Variants in CHST8 observed in about 807,000 individuals in gnomAD.
CHST8 encodes the protein carbohydrate sulfotransferase 8.
A neutral mutation model predicts 15.0 loss-of-function variants in CHST8; 10 were observed. The observed-to-expected ratio is 0.67, with a 90% CI of 0.41 to 1.13. The LOEUF (loss-of-function observed/expected upper bound fraction) is 1.13, where lower values mean the gene tolerates loss of function less well. Among genes scored for constraint, CHST8 ranks in the 50% most tolerant of loss-of-function variants. The pLI is 0.00. For synonymous variants in CHST8, 259 were observed against 256.6 expected (o/e 1.01, Z -0.09); for missense variants, 634 against 608.2 (o/e 1.04, Z -0.45).
chr19:33,645,223 G>C (rs1243890294), intron 1 of CHST8, among the ~76,000 whole-genome samples: 1 of 152,194 alleles, frequency 6.6e-6, no homozygotes, highest in African/African-American at 2.4e-5. Context: ...GGGCCCGCTG[G>C]AGATGAGGCC....
At chr19:33,650,712 G>C (rs963221286) in intron 1 of CHST8, among the ~76,000 whole-genome samples, 2 of 149,284 alleles carry the variant, frequency 1.3e-5, no homozygotes, top group African/African-American at 4.9e-5. Context: ...TTTTGCTTTT[G>C]TTTTTGTTTT....
intron 2 of CHST8, among the ~76,000 whole-genome samples, chr19:33,669,746 G>A (rs1972711150): frequency 6.6e-6 from 1 of 152,160 alleles, no homozygotes; most frequent in Admixed American, 6.5e-5. Flanking sequence ...TAGTGAGGGT[G>A]GCAGGCTTCA....
chr19:33,719,713 G>A (rs1199083737), intron 3 of CHST8, among the ~76,000 whole-genome samples: 2 of 150,590 alleles, frequency 1.3e-5, no homozygotes, highest in Non-Finnish European at 2.9e-5. Flanking sequence ...CTAAAGAGGG[G>A]GATGGGGACC....
At chr19:33,689,110 A>C in intron 2 of CHST8, 66 bp from the exon 3 acceptor site, 1 of 818,350 alleles carries the variant, frequency 1.2e-6, no homozygotes, top group South Asian at 2.6e-5. Context: ...TGCTGCAGTG[A>C]GCAGGGCCTA....
At chr19:33,711,440 G>A (rs545736702) in intron 3 of CHST8, among the ~76,000 whole-genome samples, 26 of 152,180 alleles carry the variant, frequency 1.7e-4, no homozygotes, top group African/African-American at 6.0e-4. Flanking sequence ...TTACACCTGT[G>A]GCCTGGTGTA....
chr19:33,765,037 C>G (rs909077475), intron 3 of CHST8, among the ~76,000 whole-genome samples: 15 of 104,682 alleles, frequency 1.4e-4, no homozygotes, highest in African/African-American at 7.0e-4. Flanking sequence ...CTTTTTATGG[C>G]TAAGTACTAT....
chr19:33,759,262 T>G (rs893808372), intron 3 of CHST8, among the ~76,000 whole-genome samples: 4 of 152,226 alleles, frequency 2.6e-5, no homozygotes, highest in Non-Finnish European at 4.4e-5. Context: ...ACTCACTTGC[T>G]TCTATTTGCT....
In CHST8 at chr19:33,691,904, C is replaced by T. The variant is rs73591078; in HGVS notation, c.130+2513C>T. Reference sequence around the variant, plus strand: ...ACCATGGCATGAACTGTCCTGGGGACGGAGTTCTCTGGGAGCTGCAGTTTG... The same window carrying T: ...ACCATGGCATGAACTGTCCTGGGGATGGAGTTCTCTGGGAGCTGCAGTTTG... On this transcript the variant is annotated intron_variant, in intron 3 of 4. Transcript: ENST00000650847. 9.9e-3 allele frequency among the ~76,000 whole-genome samples: 1,514 copies of T among 152,234 alleles called. 27 individuals carry two copies. The highest frequency in any genetic ancestry group is 0.034 in the African/African-American group (1,411 of 41,528).
intron 3 of CHST8, among the ~76,000 whole-genome samples, chr19:33,758,723 C>T (rs924403362): frequency 3.3e-5 from 5 of 152,206 alleles, no homozygotes; most frequent in South Asian, 2.1e-4. Flanking sequence ...CCCACGTCTG[C>T]CCCTGGAGGG....
chr19:33,693,011 T>TC (rs1420200015), intron 3 of CHST8, among the ~76,000 whole-genome samples: 36 of 150,162 alleles, frequency 2.4e-4, no homozygotes, highest in Non-Finnish European at 4.9e-4. Flanking sequence ...TTTCTTTCTT[T>TC]TTTTTTTTTT....
chr19:33,653,838 A>G (rs7256619), intron 1 of CHST8, among the ~76,000 whole-genome samples: 133,725 of 152,210 alleles, frequency 0.88, 59,148 homozygotes, highest in African/African-American at 0.97. Context: ...CTCTACGTAA[A>G]CCTTGGTGAT....
chr19:33,689,486 G>A (rs955654535), intron 3 of CHST8, 95 bp downstream of exon 3: 11 of 1,373,100 alleles, frequency 8.0e-6, no homozygotes, highest in Middle Eastern at 4.7e-4. Flanking sequence ...GGGCTTGGGG[G>A]AAAGGGGCAA....
intron 3 of CHST8, among the ~76,000 whole-genome samples, chr19:33,691,922 G>A (rs1202521789): frequency 6.6e-6 from 1 of 152,226 alleles, no homozygotes; most frequent in Non-Finnish European, 1.5e-5. Context: ...TCTGGGAGCT[G>A]CAGTTTGTGG....
chr19:33,673,833 T>C (rs1972774961), intron 2 of CHST8, among the ~76,000 whole-genome samples: 1 of 152,112 alleles, frequency 6.6e-6, no homozygotes, highest in African/African-American at 2.4e-5. Context: ...GGCTCACTGC[T>C]ACCTCCACCT....
At chr19:33,767,791 A>G (rs1974881448) in intron 3 of CHST8, among the ~76,000 whole-genome samples, 1 of 152,138 alleles carries the variant, frequency 6.6e-6, no homozygotes, top group East Asian at 1.9e-4. Context: ...GTGGGGAGGC[A>G]GGGAAGGTGC....
At chr19:33,738,353 A>G (rs1320446133) in intron 3 of CHST8, among the ~76,000 whole-genome samples, 1 of 152,222 alleles carries the variant, frequency 6.6e-6, no homozygotes, top group Non-Finnish European at 1.5e-5. Context: ...TCAGATCTGT[A>G]CACATTCAAA....
chr19:33,726,927 T>C (rs1286160075), intron 3 of CHST8, among the ~76,000 whole-genome samples: 1 of 151,682 alleles, frequency 6.6e-6, no homozygotes, highest in East Asian at 2.0e-4. Flanking sequence ...CTGCTGGCAG[T>C]GCTCCCCTCC....
intron 1 of CHST8, among the ~76,000 whole-genome samples, chr19:33,626,544 T>C (rs1282217341): frequency 6.6e-6 from 1 of 152,184 alleles, no homozygotes; most frequent in African/African-American, 2.4e-5. Flanking sequence ...CCTTTATGAA[T>C]AGATTAATGC....
chr19:33,665,288 T>C (rs762403163), intron 1 of CHST8, among the ~76,000 whole-genome samples: 1 of 152,202 alleles, frequency 6.6e-6, no homozygotes, highest in Non-Finnish European at 1.5e-5. Context: ...GTGAATTATA[T>C]TTGTAGTTTA....
Sources: gnomAD v4.1 joint callset for allele counts (sites outside exome capture counted in the v4.1 genomes callset) on GRCh38, gnomAD v4.1.1 for gene constraint, MANE v1.5 for transcripts, NCBI Gene and HGNC (gene_info 2026-07-23, HGNC 2026-07-21) for gene names.